Variants in PAPPA2 observed in about 807,000 individuals in gnomAD.
PAPPA2 encodes the protein pappalysin-2.
PAPPA2 carries 86 observed loss-of-function variants against 176.4 expected under a neutral mutation model. The observed-to-expected ratio is 0.49, with a 90% confidence interval of 0.41 to 0.58. The LOEUF (loss-of-function observed/expected upper bound fraction) is 0.58. Among genes scored for constraint, PAPPA2 ranks in the 20% least tolerant of loss-of-function variants. PAPPA2 has a pLI of 0.00. For missense variants in PAPPA2, 2,073 were observed against 2,256.9 expected, an observed-to-expected ratio of 0.92 and a Z score of 1.65; for synonymous variants, 809 against 852.2, an observed-to-expected ratio of 0.95 and a Z score of 0.88.
intron 21 of PAPPA2, 58 bp from the exon 22 acceptor site, chr1:176,840,115 G>A (rs1157104505): frequency 1.9e-5 from 26 of 1,363,068 alleles, no homozygotes; most frequent in Admixed American, 3.4e-5. Flanking sequence ...AGGAGTGGCA[G>A]AGTCAAACAA....
intron 1 of PAPPA2, among the ~76,000 whole-genome samples, chr1:176,549,207 G>A (rs557890657): frequency 6.6e-6 from 1 of 152,310 alleles, no homozygotes; most frequent in South Asian, 2.1e-4. Flanking sequence ...TAATAGCAAA[G>A]CTCTAAAACT....
chr1:176,739,820 T>C, intron 13 of PAPPA2, 59 bp downstream of exon 13: 2 of 1,595,068 alleles, frequency 1.3e-6, no homozygotes, highest in Non-Finnish European at 1.7e-6. Context: ...GACCCAGAAG[T>C]CAGCTTGATG....
chr1:176,560,165 G>T (rs1651577646), intron 2 of PAPPA2, among the ~76,000 whole-genome samples: 1 of 145,986 alleles, frequency 6.8e-6, no homozygotes, highest in Admixed American at 6.7e-5. Context: ...CTTTATGCAA[G>T]TGTTTTTTGC....
intron 14 of PAPPA2, among the ~76,000 whole-genome samples, chr1:176,764,518 T>G (rs915607552): frequency 2.6e-5 from 4 of 152,014 alleles, no homozygotes; most frequent in Non-Finnish European, 5.9e-5. Flanking sequence ...CCAGAGAGCC[T>G]GAGGCTAATG....
At chr1:176,705,392 T>A (rs1660835272) in intron 9 of PAPPA2, among the ~76,000 whole-genome samples, 2 of 152,202 alleles carry the variant, frequency 1.3e-5, no homozygotes, top group South Asian at 4.1e-4. Flanking sequence ...AATCTTTCAT[T>A]CATCCTAGTG....
chr1:176,710,287 T>A, intron 11 of PAPPA2, 111 bp downstream of exon 11: 1 of 962,942 alleles, frequency 1.0e-6, no homozygotes, highest in South Asian at 1.7e-5. Flanking sequence ...AAGTAAGGAG[T>A]TAGAAGCCCT....
At chr1:176,822,847 C>T (rs1378824380) in intron 21 of PAPPA2, among the ~76,000 whole-genome samples, 1 of 152,122 alleles carries the variant, frequency 6.6e-6, no homozygotes, top group African/African-American at 2.4e-5. Context: ...TTTAGAATTT[C>T]TAATAATTTA....
chr1:176,812,297 G>C (rs771451604), intron 21 of PAPPA2, among the ~76,000 whole-genome samples: 3 of 149,782 alleles, frequency 2.0e-5, no homozygotes, highest in Non-Finnish European at 4.4e-5. Flanking sequence ...AATATTACTC[G>C]CCTGCAGAAT....
rs148808677 is a variant in PAPPA2, at chr1:176,576,278, A to G, written c.920-18246A>G. Among the ~76,000 whole-genome samples, 294 of 152,314 alleles carry G rather than the reference A, an allele frequency of 1.9e-3. 2 individuals are homozygous for G. The highest frequency in any genetic ancestry group is 6.1e-3 in the African/African-American group (254 of 41,566). On this transcript the variant is annotated intron_variant, in intron 2 of 22. Coordinates refer to ENST00000367662, the MANE Select transcript of PAPPA2 (RefSeq NM_020318.3). The stretch of plus-strand genomic sequence containing the variant: ...TTACTCTTTGCCAACTTAATGGACA[A>G]GAGTTTTAATCTTGACTTCATTTGC...
intron 3 of PAPPA2, among the ~76,000 whole-genome samples, chr1:176,633,207 A>G (rs371630374): frequency 3.3e-5 from 5 of 152,200 alleles, no homozygotes; most frequent in African/African-American, 1.2e-4. Flanking sequence ...TATGAGATGC[A>G]TGCTTTACTG....
chr1:176,563,715 T>C (rs1361505789), intron 2 of PAPPA2, among the ~76,000 whole-genome samples: 1 of 152,306 alleles, frequency 6.6e-6, no homozygotes, highest in East Asian at 1.9e-4. Context: ...ATGTCTGCCA[T>C]GGCAATACAC....
chr1:176,662,659 T>A (rs1658421721), intron 3 of PAPPA2, among the ~76,000 whole-genome samples: 1 of 151,984 alleles, frequency 6.6e-6, no homozygotes, highest in African/African-American at 2.4e-5. Context: ...TCCCAGAGAG[T>A]TCTCTTTTAA....
intron 2 of PAPPA2, among the ~76,000 whole-genome samples, chr1:176,585,013 C>G (rs1322165069): frequency 2.0e-5 from 3 of 152,194 alleles, no homozygotes; most frequent in African/African-American, 7.2e-5. Flanking sequence ...GCTGGGATTA[C>G]AGGCGTGAGC....
intron 1 of PAPPA2, among the ~76,000 whole-genome samples, chr1:176,495,971 AT>A (rs1406069251): frequency 6.6e-6 from 1 of 152,198 alleles, no homozygotes; most frequent in Non-Finnish European, 1.5e-5. Flanking sequence ...CATGTATCAC[AT>A]TTAAACAAAT....
intron 6 of PAPPA2, among the ~76,000 whole-genome samples, chr1:176,693,193 A>G (rs778006082): frequency 1.3e-4 from 20 of 152,202 alleles, no homozygotes; most frequent in Non-Finnish European, 2.6e-4. Flanking sequence ...TGTATTCTGA[A>G]TGACGACAGT....
chr1:176,608,739 C>T (rs1397568238), intron 3 of PAPPA2, among the ~76,000 whole-genome samples: 1 of 152,034 alleles, frequency 6.6e-6, no homozygotes, highest in Non-Finnish European at 1.5e-5. Flanking sequence ...AGTTCCTGGG[C>T]GTTAGGAATA....
chr1:176,515,699 G>A (rs74129051), intron 1 of PAPPA2, among the ~76,000 whole-genome samples: 4,242 of 152,168 alleles, frequency 0.028, 199 homozygotes, highest in African/African-American at 0.097. Context: ...GATGCAGTAA[G>A]CTTCATTTTG....
At chr1:176,527,058 T>C (rs1281358025) in intron 1 of PAPPA2, among the ~76,000 whole-genome samples, 3 of 152,228 alleles carry the variant, frequency 2.0e-5, no homozygotes, top group Non-Finnish European at 4.4e-5. Flanking sequence ...GCAATTCTCC[T>C]GCCTTGGCCT....
At chr1:176,487,467 G>A (rs1042601464) in intron 1 of PAPPA2, among the ~76,000 whole-genome samples, 1 of 152,202 alleles carries the variant, frequency 6.6e-6, no homozygotes, top group African/African-American at 2.4e-5. Flanking sequence ...ATCCAACTGG[G>A]AAGTGAGTTG....
Sources: allele counts gnomAD v4.1 joint callset (sites outside exome capture counted in the v4.1 genomes callset), GRCh38; gene constraint gnomAD v4.1.1; transcripts MANE v1.5; gene names NCBI Gene and HGNC (gene_info 2026-07-23, HGNC 2026-07-21).